Variants in UBE2D2 observed in about 807,000 individuals in gnomAD.
UBE2D2 encodes ubiquitin conjugating enzyme E2 D2.
UBE2D2 carries 2 observed loss-of-function variants against 24.2 expected under a neutral mutation model. That is an observed-to-expected ratio of 0.08 (90% confidence interval 0.03 to 0.26). The LOEUF is 0.26. Ranked by LOEUF, UBE2D2 falls within the 10% of genes least tolerant of loss-of-function variation. UBE2D2 has a pLI of 1.00. For missense variants in UBE2D2, 44 were observed against 177.6 expected (o/e 0.25, Z 4.28); for synonymous variants, 58 against 56.5 (o/e 1.03, Z -0.12).
In UBE2D2 at chr5:139,533,121, A is replaced by T. The variant is rs74332789; in HGVS notation, c.-64+6509A>T. On this transcript the variant is annotated intron_variant, in intron 1 of 6. Transcript: ENST00000511725. ...AGACTCCATCTCAAAAAAAAAAAAA[A>T]ATATATGGACCTCAACTCCTCAACT... 4.9e-3 allele frequency among the ~76,000 whole-genome samples: 748 copies of T among 151,862 alleles called. 5 individuals are homozygous for T. Among genetic ancestry groups the T allele is most frequent in the Non-Finnish European group, 6.1e-3 (416 of 67,956 alleles).
At chr5:139,540,979 G>A (rs1422507591) in intron 1 of UBE2D2, among the ~76,000 whole-genome samples, 6 of 150,170 alleles carry the variant, frequency 4.0e-5, no homozygotes, top group African/African-American at 1.5e-4. Flanking sequence ...GGCGACAAGA[G>A]CAAAACTCAG....
intron 1 of UBE2D2, among the ~76,000 whole-genome samples, chr5:139,539,041 T>C (rs1752722657): frequency 6.6e-6 from 1 of 152,068 alleles, no homozygotes; most frequent in Non-Finnish European, 1.5e-5. Context: ...CTCTTTTTTT[T>C]TGAGATGGCG....
At chr5:139,546,879 C>T (rs982266320) in intron 1 of UBE2D2, among the ~76,000 whole-genome samples, 1 of 137,676 alleles carries the variant, frequency 7.3e-6, no homozygotes, top group Non-Finnish European at 1.6e-5. Flanking sequence ...CCTTTCTTTC[C>T]TTCTTTCTTT....
intron 2 of UBE2D2, 88 bp downstream of exon 2, chr5:139,600,523 G>A: frequency 7.3e-7 from 1 of 1,374,212 alleles, no homozygotes. Context: ...AAGAGGCAGT[G>A]TTTAACCCTT....
intron 2 of UBE2D2, chr5:139,611,988 A>C (rs1331755471): frequency 1.3e-5 from 2 of 150,384 alleles, no homozygotes; most frequent in Non-Finnish European, 3.0e-5. Flanking sequence ...TTGAACATGA[A>C]ATGTTTCCCA....
intron 1 of UBE2D2, among the ~76,000 whole-genome samples, chr5:139,542,659 G>C (rs1752775087): frequency 6.6e-6 from 1 of 152,020 alleles, no homozygotes; most frequent in Admixed American, 6.6e-5. Flanking sequence ...GTTCTTTATA[G>C]AACACTCAGG....
intron 1 of UBE2D2, among the ~76,000 whole-genome samples, chr5:139,545,663 A>G (rs1439206855): frequency 6.8e-6 from 1 of 147,216 alleles, no homozygotes; most frequent in Non-Finnish European, 1.5e-5. Flanking sequence ...TGACCTCCTG[A>G]TCCACTCGCC....
chr5:139,538,842 C>G (rs1032295416), intron 1 of UBE2D2, among the ~76,000 whole-genome samples: 2 of 150,572 alleles, frequency 1.3e-5, no homozygotes, highest in South Asian at 4.2e-4. Context: ...TGCACTCTAG[C>G]CAGGGCAACA....
At chr5:139,621,905 G>C (rs1754520043) in intron 5 of UBE2D2, among the ~76,000 whole-genome samples, 1 of 152,230 alleles carries the variant, frequency 6.6e-6, no homozygotes, top group African/African-American at 2.4e-5. Flanking sequence ...TTACAGGAGT[G>C]AGCCATCGCA....
chr5:139,607,723 T>C (rs1186204055), intron 2 of UBE2D2, among the ~76,000 whole-genome samples: 1 of 152,196 alleles, frequency 6.6e-6, no homozygotes, highest in Non-Finnish European at 1.5e-5. Flanking sequence ...GTAAGAATGT[T>C]CGGCATGGTA....
intron 1 of UBE2D2, among the ~76,000 whole-genome samples, chr5:139,586,403 T>A (rs75696632): frequency 0.02 from 3,071 of 152,268 alleles, 57 homozygotes; most frequent in Middle Eastern, 0.034. Flanking sequence ...TGATTCTAAC[T>A]AACACCCTCC....
chr5:139,615,309 C>G (rs922315513), intron 5 of UBE2D2, among the ~76,000 whole-genome samples: 10 of 152,032 alleles, frequency 6.6e-5, no homozygotes, highest in Admixed American at 2.0e-4. Context: ...ATGGTGAAAC[C>G]CCGTCTCTAC....
intron 5 of UBE2D2, among the ~76,000 whole-genome samples, chr5:139,620,620 T>C (rs1391285086): frequency 6.6e-6 from 1 of 152,114 alleles, no homozygotes; most frequent in African/African-American, 2.4e-5. Flanking sequence ...ACTTTTCATA[T>C]ACTCTTAAGG....
At chr5:139,601,060 C>T (rs1206861129) in intron 2 of UBE2D2, among the ~76,000 whole-genome samples, 1 of 152,192 alleles carries the variant, frequency 6.6e-6, no homozygotes, top group Non-Finnish European at 1.5e-5. Flanking sequence ...GCTTTGGCCT[C>T]CCAAAGTGCT....
intron 1 of UBE2D2, among the ~76,000 whole-genome samples, chr5:139,538,785 A>T (rs1327647698): frequency 2.0e-5 from 3 of 152,128 alleles, no homozygotes; most frequent in South Asian, 2.1e-4. Context: ...ACGCAGGAGA[A>T]TCATTTGAAC....
intron 1 of UBE2D2, among the ~76,000 whole-genome samples, chr5:139,576,812 T>C (rs755032045): frequency 1.4e-4 from 22 of 152,152 alleles, no homozygotes; most frequent in Non-Finnish European, 2.1e-4. Flanking sequence ...CCTGTTCACA[T>C]TTTTGTTAAT....
At chr5:139,538,556 A>C (rs534975667) in intron 1 of UBE2D2, among the ~76,000 whole-genome samples, 2 of 152,224 alleles carry the variant, frequency 1.3e-5, no homozygotes, top group South Asian at 2.1e-4. Flanking sequence ...TGTGGGTAGA[A>C]TCCCTTGGTA....
intron 1 of UBE2D2, among the ~76,000 whole-genome samples, chr5:139,553,969 G>A (rs1222526393): frequency 6.6e-6 from 1 of 152,000 alleles, no homozygotes; most frequent in Non-Finnish European, 1.5e-5. Flanking sequence ...TAGTAGAGAT[G>A]GGGTTTCACC....
chr5:139,546,081 T>C (rs1275208810), intron 1 of UBE2D2, among the ~76,000 whole-genome samples: 1 of 152,036 alleles, frequency 6.6e-6, no homozygotes, highest in Non-Finnish European at 1.5e-5. Flanking sequence ...TCTGCTCTTG[T>C]GACCCAGGCT....
Sources: allele counts gnomAD v4.1 joint callset (sites outside exome capture counted in the v4.1 genomes callset), GRCh38; gene constraint gnomAD v4.1.1; transcripts MANE v1.5; gene names NCBI Gene and HGNC (gene_info 2026-07-23, HGNC 2026-07-21).